Variants in SLC45A4 observed in about 807,000 individuals in gnomAD.
The protein encoded by SLC45A4 is polyamine-transporter SLC45A4.
SLC45A4 carries 32 observed loss-of-function variants against 63.7 expected under a neutral mutation model. The observed-to-expected ratio is 0.50, with a 90% CI of 0.38 to 0.67. The LOEUF is 0.67. Ranked by LOEUF, SLC45A4 falls within the 30% of genes least tolerant of loss-of-function variation. The pLI is 0.00. For synonymous variants in SLC45A4, 535 were observed against 510.0 expected (o/e 1.05, Z -0.66); for missense variants, 1,027 against 1,157.7 (o/e 0.89, Z 1.64).
In SLC45A4 at chr8:141,211,496, G is replaced by A. The variant is rs376443256; in HGVS notation, c.*76C>T. 9.3e-6 allele frequency: 15 copies of A among 1,607,778 alleles called. No individual in the cohort carries two copies. The highest frequency in any genetic ancestry group is 8.4e-5 in the Admixed American group (5 of 59,394). On this transcript the variant is annotated 3_prime_UTR_variant, in exon 9 of 9. Transcript: ENST00000517878. Reference sequence around the variant, plus strand: ...CAGCCTCCTCCCAGCTTTGGTGTGCGGTCGCTGCCCAAGGACAGGGCTGCC... The same window carrying A: ...CAGCCTCCTCCCAGCTTTGGTGTGCAGTCGCTGCCCAAGGACAGGGCTGCC...
chr8:141,301,880 T>C (rs749112553), intron 1 of SLC45A4, among the ~76,000 whole-genome samples: 1 of 151,656 alleles, frequency 6.6e-6, no homozygotes, highest in Admixed American at 6.6e-5. Flanking sequence ...GAGAATTGCA[T>C]AGACCTAGGT....
At chr8:141,291,066 CTCAAACTCCTGACCTCAAGTGA>C (rs1427509661) in intron 1 of SLC45A4, among the ~76,000 whole-genome samples, 1 of 152,200 alleles carries the variant, frequency 6.6e-6, no homozygotes, top group Non-Finnish European at 1.5e-5. Context: ...CCAGGCTGGT[CTCAAACTCCTGACCTCAAGTGA>C]TCCGCCCACC....
At position 141,271,701 on chromosome 8, in the gene SLC45A4, G is replaced by A. The variant is rs1256354357; in HGVS notation, c.-400-17072C>T. ...AGGGGAGAGCCACTCTCACAGATAT[G>A]ATCATATGTCAGGGGAAGTCCGCAG... On this transcript the variant is annotated intron_variant, in intron 1 of 8. Transcript: ENST00000517878. Among the ~76,000 whole-genome samples the A allele has an allele frequency of 4.6e-5, 7 of 152,298 alleles. No homozygotes were observed. In the East Asian group the frequency reaches 1.4e-3, roughly 29 times the overall value.
At chr8:141,222,755 G>A (rs754671390) in intron 2 of SLC45A4, among the ~76,000 whole-genome samples, 2 of 152,342 alleles carry the variant, frequency 1.3e-5, no homozygotes, top group African/African-American at 2.4e-5. Context: ...CACCTCTGAC[G>A]CCTGTCGTGT....
intron 2 of SLC45A4, chr8:141,228,664 A>G (rs1827174649): frequency 2.0e-6 from 2 of 1,017,054 alleles, no homozygotes; most frequent in Non-Finnish European, 2.4e-6. Flanking sequence ...GTAGCTGTAT[A>G]AACAACCGTA....
intron 1 of SLC45A4, among the ~76,000 whole-genome samples, chr8:141,303,267 G>A (rs1830802840): frequency 6.6e-6 from 1 of 151,226 alleles, no homozygotes; most frequent in Non-Finnish European, 1.5e-5. Context: ...AAAGTGCTGG[G>A]ACTATAGGCA....
chr8:141,231,110 G>C (rs980190359), intron 2 of SLC45A4, among the ~76,000 whole-genome samples: 2 of 152,192 alleles, frequency 1.3e-5, no homozygotes, highest in Non-Finnish European at 2.9e-5. Context: ...AGCCACATTC[G>C]GTCACGTTTC....
intron 5 of SLC45A4, among the ~76,000 whole-genome samples, chr8:141,217,673 G>C (rs1011886160): frequency 2.0e-5 from 3 of 152,224 alleles, no homozygotes; most frequent in African/African-American, 4.8e-5. Context: ...AATGAGCCTG[G>C]CATGGTCAAC....
intron 2 of SLC45A4, 46 bp from the exon 3 acceptor site, chr8:141,221,811 C>T (rs1360024371): frequency 1.3e-6 from 2 of 1,589,006 alleles, no homozygotes; most frequent in East Asian, 4.5e-5. Flanking sequence ...ACTGGCCGGG[C>T]TCTGCCACAG....
chr8:141,233,042 G>A (rs1263462168), intron 2 of SLC45A4, among the ~76,000 whole-genome samples: 1 of 152,252 alleles, frequency 6.6e-6, no homozygotes, highest in African/African-American at 2.4e-5. Flanking sequence ...GACACACCAA[G>A]GCGAAAGGGA....
At chr8:141,219,434 T>C (rs575293286) in intron 4 of SLC45A4, among the ~76,000 whole-genome samples, 1 of 152,192 alleles carries the variant, frequency 6.6e-6, no homozygotes, top group East Asian at 1.9e-4. Flanking sequence ...CCTGGCCTCC[T>C]GCCCCTTGAA....
intron 1 of SLC45A4, among the ~76,000 whole-genome samples, chr8:141,269,913 T>C (rs1024294571): frequency 1.3e-5 from 2 of 152,062 alleles, no homozygotes; most frequent in Admixed American, 1.3e-4. Flanking sequence ...ATGGCTGGCA[T>C]CCCCACAGCA....
chr8:141,230,190 G>T, intron 2 of SLC45A4: 1 of 452,310 alleles, frequency 2.2e-6, no homozygotes, highest in Non-Finnish European at 4.4e-6. Flanking sequence ...AAGAAGCACA[G>T]GCCTCTGTTT....
In SLC45A4 at chr8:141,277,876, T is replaced by G. The variant is rs375888156; in HGVS notation, c.-400-23247A>C. ...CCAGGATGCTCTCGATCTCCTGACC[T>G]CGTGATCCGCCTGCTTCAGCCTCAC... On this transcript the variant is annotated intron_variant, in intron 1 of 8. Coordinates refer to ENST00000517878, the MANE Select transcript of SLC45A4 (RefSeq NM_001286646.2). Among the ~76,000 whole-genome samples, 3 of 152,158 alleles carry G rather than the reference T, an allele frequency of 2.0e-5. No individual in the cohort carries two copies. The East Asian group carries it at 5.8e-4, about 29-fold the overall frequency.
intron 1 of SLC45A4, among the ~76,000 whole-genome samples, chr8:141,269,284 G>C (rs6992278): frequency 0.4 from 60,514 of 152,144 alleles, 13,092 homozygotes; most frequent in African/African-American, 0.58. Context: ...TCTGATAACC[G>C]TCTTTGTGCA....
intron 2 of SLC45A4, among the ~76,000 whole-genome samples, chr8:141,250,804 C>T (rs771914285): frequency 6.6e-6 from 1 of 152,118 alleles, no homozygotes; most frequent in African/African-American, 2.4e-5. Context: ...GGGACATACC[C>T]CCGTTGCAAG....
At chr8:141,246,566 T>A (rs1238786897) in intron 2 of SLC45A4, among the ~76,000 whole-genome samples, 1 of 152,284 alleles carries the variant, frequency 6.6e-6, no homozygotes, top group South Asian at 2.1e-4. Flanking sequence ...CGACATCCCC[T>A]CGATGCTGCC....
chr8:141,220,551 T>C (rs1441470122), intron 3 of SLC45A4, among the ~76,000 whole-genome samples: 1 of 152,122 alleles, frequency 6.6e-6, no homozygotes, highest in Non-Finnish European at 1.5e-5. Context: ...GGGTCTCCAC[T>C]TCCCACCAGG....
rs114472422 is a variant in SLC45A4 at position 141,231,631 on chromosome 8, G to T, written c.242-9866C>A. Among the ~76,000 whole-genome samples the T allele has an allele frequency of 4.6e-3, 695 of 151,168 alleles. 7 individuals are homozygous for T. The highest frequency in any genetic ancestry group is 0.016 in the African/African-American group (664 of 41,516). On this transcript the variant is annotated intron_variant, in intron 2 of 8. Coordinates refer to ENST00000517878, the MANE Select transcript of SLC45A4 (RefSeq NM_001286646.2). ...TCACCTGGCCACCTGGCATCTTCCAGACAAAGAACCCTCGAGCCAAGGTGC... is the reference window on the plus strand; with the variant it reads ...TCACCTGGCCACCTGGCATCTTCCATACAAAGAACCCTCGAGCCAAGGTGC...
Sources: allele counts gnomAD v4.1 joint callset (sites outside exome capture counted in the v4.1 genomes callset), GRCh38; gene constraint gnomAD v4.1.1; transcripts MANE v1.5; gene names NCBI Gene and HGNC (gene_info 2026-07-23, HGNC 2026-07-21).